Variants in MACF1 observed in about 807,000 individuals in gnomAD.
The protein encoded by MACF1 is microtubule-actin cross-linking factor 1.
MACF1 carries 193 observed loss-of-function variants against 854.8 expected under a neutral mutation model. That is an observed-to-expected ratio of 0.23 (90% CI 0.20 to 0.25). The LOEUF (loss-of-function observed/expected upper bound fraction) is 0.25, where lower values mean the gene tolerates loss of function less well. MACF1 is among the 10% of genes least tolerant of loss of function. The pLI, the probability that MACF1 is intolerant of heterozygous loss-of-function variation, is 1.00. For synonymous variants in MACF1, 3,185 were observed against 3,226.7 expected, an observed-to-expected ratio of 0.99 and a Z score of 0.44; for missense variants, 7,722 against 8,929.1, an observed-to-expected ratio of 0.86 and a Z score of 5.45.
In MACF1 at chr1:39,334,369, C is replaced by A. The variant is rs1646776477; in HGVS notation, c.7781C>A (p.Thr2594Asn). The change falls in exon 37 of 101, where the codon ACC becomes AAC. Residue 2594 changes from threonine to asparagine, a missense_variant. Around this residue, in one of 15 missense-constraint regions of MACF1, gnomAD observed 1,531 missense variants for 1,601.6 expected, o/e 0.96. Coordinates refer to ENST00000564288, the MANE Select transcript of MACF1 (RefSeq NM_001394062.1). ...GATCTCATTTCTGGTCAGAGATTGA[C>A]CTTGGCAGAAGCTAAAAAAGAAGGA... ...FVDLISGQRL[T>N]LAEAKKEGLL... The A allele has an allele frequency of 6.2e-7, 1 of 1,613,874 alleles. No homozygotes were observed. Among genetic ancestry groups the A allele is most frequent in the Non-Finnish European group, 8.5e-7 (1 of 1,179,990 alleles).
At position 39,435,641 on chromosome 1, in the gene MACF1, T is replaced by A; in HGVS notation, c.17868T>A (p.Pro5956=). ...GCCCACAACTAAAGGAATTAAACCC[T>A]GAGGAAGGGGAAATGGTGGAAGAAA... ...KIGPQLKELN[P]EEGEMVEEKY... Residue 5956 remains proline (P), a synonymous_variant, in exon 70 of 101, where the codon CCT becomes CCA. Coordinates refer to ENST00000564288, the MANE Select transcript of MACF1 (RefSeq NM_001394062.1). 1 of 1,614,096 alleles carries A rather than the reference T, an allele frequency of 6.2e-7. No individual in the cohort carries two copies. Among genetic ancestry groups the A allele is most frequent in the Non-Finnish European group, 8.5e-7 (1 of 1,180,002 alleles).
chr1:39,422,372 A>C lies in MACF1; in HGVS notation c.15817-2A>C. On this transcript the variant is annotated splice_acceptor_variant, in intron 58 of 100. Coordinates refer to ENST00000564288, the MANE Select transcript of MACF1 (RefSeq NM_001394062.1). LOFTEE classifies it high-confidence loss of function. The stretch of plus-strand genomic sequence containing the variant: ...AATCTTCTTTGGCTTGTAATTATCT[A>C]GATGTTTCAGAAAGAACAAGTGGAT... 2 of 1,613,476 alleles carry C rather than the reference A, an allele frequency of 1.2e-6. No homozygotes were observed. The highest frequency in any genetic ancestry group is 1.7e-6 in the Non-Finnish European group (2 of 1,179,556).
chr1:39,128,787 G>A (rs1331276982), intron 2 of MACF1, among the ~76,000 whole-genome samples: 1 of 152,098 alleles, frequency 6.6e-6, no homozygotes, highest in African/African-American at 2.4e-5. Flanking sequence ...TTGAAGCTCA[G>A]TTCAAGTCCT....
intron 2 of MACF1, 54 bp downstream of exon 2, chr1:39,231,297 G>A: frequency 2.0e-6 from 3 of 1,483,466 alleles, no homozygotes; most frequent in Non-Finnish European, 2.8e-6. Context: ...CTCTCATCTG[G>A]ATCTGTCATT....
intron 30 of MACF1, among the ~76,000 whole-genome samples, 171 bp downstream of exon 30, chr1:39,318,786 G>T (rs1646460232): frequency 6.6e-6 from 1 of 152,128 alleles, no homozygotes; most frequent in South Asian, 2.1e-4. Context: ...TTTGCATTTA[G>T]ACTAGAGAAC....
rs758157772 is a variant in MACF1 at position 39,287,459 on chromosome 1, G to A, written c.1682G>A (p.Arg561Gln). 9 of 1,614,120 alleles carry A rather than the reference G, an allele frequency of 5.6e-6. No homozygotes were observed. Among genetic ancestry groups the A allele is most frequent in the Admixed American group, 5.0e-5 (3 of 60,014 alleles). ...ATHSSSTSWF[R>Q]KPMTRAELVA... ...CATTCTTCTTCTACCTCCTGGTTCCGAAAGCCTATGACTCGGGCTGAACTT... is the reference window on the plus strand; with the variant it reads ...CATTCTTCTTCTACCTCCTGGTTCCAAAAGCCTATGACTCGGGCTGAACTT... The change falls in exon 15 of 101, where the codon CGA becomes CAA. Residue 561 changes from arginine (R) to glutamine (Q), a missense_variant. Arg to Gln is a conservative substitution (Grantham distance 43). Coordinates refer to ENST00000564288, the MANE Select transcript of MACF1 (RefSeq NM_001394062.1).
chr1:39,441,447 T>C (rs1195991523), intron 74 of MACF1, 122 bp downstream of exon 74: 7 of 742,444 alleles, frequency 9.4e-6, no homozygotes, highest in Non-Finnish European at 1.6e-5. Context: ...AAGATAGTGG[T>C]GTTTCCACAA....
intron 14 of MACF1, among the ~76,000 whole-genome samples, chr1:39,286,641 A>G (rs564749563): frequency 4.0e-5 from 6 of 151,414 alleles, no homozygotes; most frequent in African/African-American, 1.2e-4. Context: ...TAATTTTTGT[A>G]TTTTTAGTAG....
chr1:39,161,778 A>T (rs1190672895), intron 2 of MACF1, among the ~76,000 whole-genome samples: 1 of 151,066 alleles, frequency 6.6e-6, no homozygotes, highest in Non-Finnish European at 1.5e-5. Context: ...GAGGCAGGAG[A>T]ATGGTGTGAA....
intron 6 of MACF1, chr1:39,268,484 T>G: frequency 1.8e-6 from 2 of 1,134,434 alleles, no homozygotes; most frequent in South Asian, 3.9e-5. Context: ...ATTTGTCTTG[T>G]TGCAGCTCTG....
At chr1:39,259,852 A>G (rs998092834) in intron 6 of MACF1, among the ~76,000 whole-genome samples, 1 of 151,940 alleles carries the variant, frequency 6.6e-6, no homozygotes, top group Non-Finnish European at 1.5e-5. Flanking sequence ...TTCCAACCTC[A>G]GGTGATCCAC....
chr1:39,225,217 C>T (rs654850), intron 1 of MACF1, among the ~76,000 whole-genome samples: 138 of 125,190 alleles, frequency 1.1e-3, no homozygotes, highest in Middle Eastern at 4.3e-3. Context: ...TTTCTTTTTT[C>T]TTTTTTTTTT....
At chr1:39,424,895 TA>T (rs1435252768) in intron 61 of MACF1, among the ~76,000 whole-genome samples, 2 of 152,244 alleles carry the variant, frequency 1.3e-5, no homozygotes, top group Non-Finnish European at 2.9e-5. Context: ...TTACATTTCC[TA>T]GGTAGCCTAT....
At chr1:39,436,079 G>A in intron 70 of MACF1, 1 of 403,036 alleles carries the variant, frequency 2.5e-6, no homozygotes, top group Non-Finnish European at 4.4e-6. Flanking sequence ...AGCAGTGACT[G>A]CCTCAAAAAA....
chr1:39,452,369 C>T lies in MACF1; in HGVS notation c.20613+19C>T. ...AAAACAAGTAAGGGATATTTGCTGT[C>T]CCAACCCAAGGGATAGATCTGAGTG... On this transcript the variant is annotated intron_variant, in intron 86 of 100. Transcript: ENST00000564288. 6.2e-7 allele frequency: 1 copy of T among 1,607,186 alleles called. No individual in the cohort carries two copies. Among genetic ancestry groups the T allele is most frequent in the Non-Finnish European group, 8.5e-7 (1 of 1,176,090 alleles).
chr1:39,164,376 T>C (rs577395643), intron 2 of MACF1, among the ~76,000 whole-genome samples: 1 of 152,346 alleles, frequency 6.6e-6, no homozygotes, highest in East Asian at 1.9e-4. Context: ...CTCTGATAGC[T>C]CTTGGCCCCT....
chr1:39,101,875 AAGAG>A (rs950359920), intron 2 of MACF1, among the ~76,000 whole-genome samples: 64 of 149,800 alleles, frequency 4.3e-4, no homozygotes, highest in Middle Eastern at 3.6e-3. Flanking sequence ...AAAGAAAGAA[AAGAG>A]AGAGAGAAAG....
chr1:39,465,927 A>G (rs913852961), intron 95 of MACF1, among the ~76,000 whole-genome samples: 1 of 152,228 alleles, frequency 6.6e-6, no homozygotes, highest in African/African-American at 2.4e-5. Flanking sequence ...ACTGGCTTTA[A>G]AAAAACATCA....
intron 35 of MACF1, among the ~76,000 whole-genome samples, chr1:39,326,341 T>A (rs1409424457): frequency 1.3e-5 from 2 of 152,130 alleles, no homozygotes; most frequent in African/African-American, 4.8e-5. Context: ...TGGTGACAAA[T>A]ATACAGTGGG....
Sources: allele counts gnomAD v4.1 joint callset (sites outside exome capture counted in the v4.1 genomes callset), GRCh38; gene constraint gnomAD v4.1.1; regional missense constraint gnomAD v4.1.1; transcripts MANE v1.5; gene names NCBI Gene and HGNC (gene_info 2026-07-23, HGNC 2026-07-21).